The following DNAJC18 variants were observed in gnomAD, a reference collection of about 807,000 sequenced individuals.
The protein encoded by DNAJC18 is DnaJ heat shock protein family (Hsp40) member C18, also known as dnaJ homolog subfamily C member 18.
A neutral mutation model predicts 48.6 loss-of-function variants in DNAJC18; 40 were observed. The ratio of observed to expected loss-of-function variants is 0.82; its 90% confidence interval spans 0.64 to 1.07. The LOEUF is 1.07. Among genes scored for constraint, DNAJC18 ranks in the 50% least tolerant of loss-of-function variants. DNAJC18 has a pLI of 0.00. For missense variants in DNAJC18, 340 were observed against 427.7 expected, an observed-to-expected ratio of 0.79 and a Z score of 1.81; for synonymous variants, 135 against 152.2, an observed-to-expected ratio of 0.89 and a Z score of 0.83.
At position 139,412,540 on chromosome 5, in the gene DNAJC18, C is replaced by T. The variant is rs557722074; in HGVS notation, c.*1608G>A. 1 of 393,230 alleles carries T rather than the reference C, an allele frequency of 2.5e-6. No homozygotes were observed. The highest frequency in any genetic ancestry group is 4.5e-6 in the Non-Finnish European group (1 of 223,150). The allele number at this position is 393,230 out of a possible 1,614,324, so 24.4% of individuals were successfully genotyped here. ...CCTCCCAAAGTGCTGGGATTACAGG[C>T]TTGAGCCAGTGCACCCGGCCGACTC... On this transcript the variant is annotated 3_prime_UTR_variant, in exon 8 of 8. Transcript: ENST00000302060.
In DNAJC18 at chr5:139,437,234, C is replaced by T. The variant is rs1366543900; in HGVS notation, c.227+138G>A. 3.7e-5 allele frequency: 41 copies of T among 1,099,706 alleles called. No individual in the cohort carries two copies. The East Asian group carries it at 1.1e-3, about 31-fold the overall frequency. 68.1% of individuals were successfully genotyped at this position (1,099,706 alleles called of 1,614,324 possible). ...ATATTCCACTTCTATTCAGTCTTCC[C>T]TCTGAGGTCAAGAAGCTAGTATGCC... On this transcript the variant is annotated intron_variant, in intron 2 of 7. Coordinates refer to ENST00000302060, the MANE Select transcript of DNAJC18 (RefSeq NM_152686.4).
At chr5:139,420,489 CT>C (rs1336471518) in intron 6 of DNAJC18, among the ~76,000 whole-genome samples, 1 of 150,502 alleles carries the variant, frequency 6.6e-6, no homozygotes, top group Non-Finnish European at 1.5e-5. Context: ...TTATACTGCT[CT>C]CTGTGCTAAA....
Position 139,439,432 on chromosome 5 carries a change from A to G in DNAJC18, c.14T>C (p.Leu5Pro). 1 of 1,613,756 alleles carries G rather than the reference A, an allele frequency of 6.2e-7. No individual in the cohort carries two copies. The highest frequency in any genetic ancestry group is 8.5e-7 in the Non-Finnish European group (1 of 1,179,994). The change falls in exon 1 of 8, where the codon CTG becomes CCG. Residue 5 changes from leucine to proline, a missense_variant. Physicochemically the swap from Leu to Pro is moderately conservative, Grantham distance 98. Coordinates refer to ENST00000302060, the MANE Select transcript of DNAJC18 (RefSeq NM_152686.4). The surrounding 1 kb of genome is among the most constrained non-coding windows in gnomAD (Gnocchi z 4.1). ...TTCCGTCCAGCGCTCCCCGCTGCCC[A>G]GAGTCGCCGCCATATCGGTTCCCAA... MAAT[L>P]GSGERWTEAY...
chr5:139,414,316 C>T, intron 7 of DNAJC18, 44 bp from the exon 8 acceptor site: 1 of 1,562,866 alleles, frequency 6.4e-7, no homozygotes, highest in Non-Finnish European at 8.6e-7. Flanking sequence ...AGCTGAACTC[C>T]TTTGTTTCAT....
chr5:139,423,742 C>G (rs1199476126), intron 5 of DNAJC18, among the ~76,000 whole-genome samples: 1 of 148,462 alleles, frequency 6.7e-6, no homozygotes, highest in East Asian at 1.9e-4. Flanking sequence ...ATGCAAATTT[C>G]CAAAATCCAA....
intron 6 of DNAJC18, among the ~76,000 whole-genome samples, chr5:139,421,727 G>A (rs866022190): frequency 1.3e-5 from 2 of 151,968 alleles, no homozygotes; most frequent in South Asian, 2.1e-4. Context: ...TGAATTCCTT[G>A]AACCAGGGAT....
Position 139,414,026 on chromosome 5 carries a change from C to T in DNAJC18, c.*122G>A. On this transcript the variant is annotated 3_prime_UTR_variant, in exon 8 of 8. Coordinates refer to ENST00000302060, the MANE Select transcript of DNAJC18 (RefSeq NM_152686.4). ...CCCATGCTCCTGCCACTCTGCCCAACCAACGAAGTTAGCAAATAGTAAAGT... is the reference window on the plus strand; with the variant it reads ...CCCATGCTCCTGCCACTCTGCCCAATCAACGAAGTTAGCAAATAGTAAAGT... 7.0e-7 allele frequency: 1 copy of T among 1,429,882 alleles called. No homozygotes were observed. The highest frequency in any genetic ancestry group is 9.3e-7 in the Non-Finnish European group (1 of 1,079,416). The allele number at this position is 1,429,882 out of a possible 1,614,324, so 88.6% of individuals were successfully genotyped here. A position where few individuals can be genotyped will look rare whatever the true frequency, so the allele number is the denominator to read the frequency against.
chr5:139,435,338 G>A (rs1169996702), intron 2 of DNAJC18, among the ~76,000 whole-genome samples: 1 of 151,936 alleles, frequency 6.6e-6, no homozygotes, highest in East Asian at 1.9e-4. Context: ...GGGTGACAGA[G>A]CAAGAATCCG....
At chr5:139,437,161 T>C (rs771879610) in intron 2 of DNAJC18, among the ~76,000 whole-genome samples, 1 of 152,220 alleles carries the variant, frequency 6.6e-6, no homozygotes, top group Non-Finnish European at 1.5e-5. Flanking sequence ...CGGTTTCTGC[T>C]GCCTCTCTTA....
chr5:139,420,779 A>C (rs907659306), intron 6 of DNAJC18, among the ~76,000 whole-genome samples: 1 of 152,044 alleles, frequency 6.6e-6, no homozygotes, highest in Non-Finnish European at 1.5e-5. Context: ...GGTCCAAGAC[A>C]TCCAAAGGTA....
In DNAJC18 at chr5:139,426,441, G is replaced by A. The variant is rs1465071813; in HGVS notation, c.374-84C>T. The A allele has an allele frequency of 6.6e-6, 10 of 1,508,412 alleles. No individual in the cohort carries two copies. The South Asian group carries it at 1.1e-4, about 16-fold the overall frequency. The allele number at this position is 1,508,412 out of a possible 1,614,324, so 93.4% of individuals were successfully genotyped here. ...CACAGCAGCAGTGACAAAGAGCCTAGAGGTGACTCGTGCTGGACAACTTCG... is the reference window on the plus strand; with the variant it reads ...CACAGCAGCAGTGACAAAGAGCCTAAAGGTGACTCGTGCTGGACAACTTCG... On this transcript the variant is annotated intron_variant, in intron 3 of 7. Transcript: ENST00000302060.
At chr5:139,438,177 G>T (rs563726834) in intron 1 of DNAJC18, among the ~76,000 whole-genome samples, 3 of 152,116 alleles carry the variant, frequency 2.0e-5, no homozygotes, top group Admixed American at 6.5e-5. Flanking sequence ...TTAGCCGGGC[G>T]TGGTGGCAGG....
chr5:139,438,308 T>G (rs1404211039), intron 1 of DNAJC18, among the ~76,000 whole-genome samples: 1 of 145,740 alleles, frequency 6.9e-6, no homozygotes, highest in Non-Finnish European at 1.5e-5. Context: ...AGAGCGAGAC[T>G]CCGTCTCAAA....
intron 6 of DNAJC18, among the ~76,000 whole-genome samples, chr5:139,420,464 A>G (rs747127508): frequency 2.6e-5 from 4 of 151,170 alleles, no homozygotes; most frequent in Non-Finnish European, 5.9e-5. Flanking sequence ...TATTCTCTTA[A>G]AGGACTCACC....
chr5:139,419,113 G>T (rs1472318731), intron 7 of DNAJC18: 2 of 449,786 alleles, frequency 4.4e-6, no homozygotes, highest in South Asian at 1.6e-5. Context: ...TAAGGCTTTA[G>T]AAATGAGTCA....
chr5:139,434,310 T>C (rs1043812037), intron 2 of DNAJC18, among the ~76,000 whole-genome samples: 6 of 152,246 alleles, frequency 3.9e-5, no homozygotes, highest in Admixed American at 2.0e-4. Context: ...GTATCTCTTT[T>C]TTAAAACTAT....
chr5:139,432,261 T>C (rs1030602007), intron 2 of DNAJC18, among the ~76,000 whole-genome samples: 1 of 151,486 alleles, frequency 6.6e-6, no homozygotes, highest in African/African-American at 2.4e-5. Flanking sequence ...TCCTCCCAGG[T>C]TCAAGCAATT....
intron 6 of DNAJC18, among the ~76,000 whole-genome samples, chr5:139,420,956 G>A (rs559077898): frequency 6.6e-5 from 10 of 152,124 alleles, no homozygotes; most frequent in African/African-American, 1.7e-4. Flanking sequence ...GCCTTTTTCC[G>A]GCCCTCTCCT....
chr5:139,430,088 TG>T (rs774437006), intron 2 of DNAJC18, among the ~76,000 whole-genome samples: 2 of 152,178 alleles, frequency 1.3e-5, no homozygotes, highest in Non-Finnish European at 2.9e-5. Flanking sequence ...ATTACTGATA[TG>T]CATGGTACAG....
Sources: allele counts gnomAD v4.1 joint callset (sites outside exome capture counted in the v4.1 genomes callset), GRCh38; gene constraint gnomAD v4.1.1; non-coding constraint Gnocchi (gnomAD v3.1); transcripts MANE v1.5; gene names NCBI Gene and HGNC (gene_info 2026-07-23, HGNC 2026-07-21).